MCTP1: variants seen among roughly 807,000 people sequenced by gnomAD.
The protein encoded by MCTP1 is multiple C2 and transmembrane domain-containing protein 1.
In MCTP1, 69 loss-of-function variants were observed where a neutral mutation model predicts 120.6. The observed-to-expected ratio is 0.57, with a 90% CI of 0.47 to 0.70. MCTP1 has a LOEUF of 0.70. Among genes scored for constraint, MCTP1 ranks in the 30% least tolerant of loss-of-function variants. The probability of loss-of-function intolerance (pLI) is 0.00; values close to 1 mark genes in which losing one functional copy is unlikely to be tolerated. For synonymous variants in MCTP1, 529 were observed against 493.1 expected (o/e 1.07, Z -0.96); for missense variants, 1,203 against 1,248.8 (o/e 0.96, Z 0.55).
chr5:94,909,221 A>G, intron 10 of MCTP1, 30 bp downstream of exon 10: 1 of 1,610,598 alleles, frequency 6.2e-7, no homozygotes, highest in Non-Finnish European at 8.5e-7. Flanking sequence ...ATGCTCTAGG[A>G]GTGAACCAAA....
chr5:95,165,079 C>A (rs973112696), intron 1 of MCTP1, among the ~76,000 whole-genome samples: 25 of 152,114 alleles, frequency 1.6e-4, no homozygotes, highest in Admixed American at 5.9e-4. Context: ...AGTCACATGG[C>A]CCCACCTAGA....
At chr5:94,798,100 GTA>G (rs1491544689) in intron 18 of MCTP1, among the ~76,000 whole-genome samples, 1 of 63,280 alleles carries the variant, frequency 1.6e-5, no homozygotes, top group Non-Finnish European at 4.4e-5. Flanking sequence ...ATCCTTGATG[GTA>G]AAAAAAAAAA....
At chr5:95,020,446 C>A (rs188726437) in intron 1 of MCTP1, among the ~76,000 whole-genome samples, 4 of 152,022 alleles carry the variant, frequency 2.6e-5, no homozygotes, top group East Asian at 1.9e-4. Flanking sequence ...TAATTTATAT[C>A]CTTTGTTCTC....
chr5:95,221,769 G>A (rs1238950952), intron 1 of MCTP1, among the ~76,000 whole-genome samples: 1 of 152,190 alleles, frequency 6.6e-6, no homozygotes, highest in African/African-American at 2.4e-5. Context: ...AATCCAGCAT[G>A]GGTTTTCTCT....
intron 17 of MCTP1, among the ~76,000 whole-genome samples, chr5:94,832,135 T>C (rs1353872047): frequency 6.6e-6 from 1 of 152,226 alleles, no homozygotes; most frequent in Non-Finnish European, 1.5e-5. Context: ...CTTAATTAAT[T>C]CCACTTTGAG....
At chr5:94,991,644 C>A (rs927483121) in intron 2 of MCTP1, among the ~76,000 whole-genome samples, 1 of 152,098 alleles carries the variant, frequency 6.6e-6, no homozygotes, top group Middle Eastern at 3.4e-3. Flanking sequence ...GAGGCTGAGG[C>A]GGGTGGATCA....
chr5:95,072,675 A>G (rs1379067197), intron 1 of MCTP1, among the ~76,000 whole-genome samples: 2 of 151,396 alleles, frequency 1.3e-5, no homozygotes, highest in Admixed American at 1.3e-4. Flanking sequence ...AAGTCACAAT[A>G]TATGTTTGGA....
At chr5:95,236,804 T>C (rs1373551774) in intron 1 of MCTP1, among the ~76,000 whole-genome samples, 4 of 152,090 alleles carry the variant, frequency 2.6e-5, no homozygotes, top group Admixed American at 2.0e-4. Context: ...AGTCATCCTG[T>C]GACCATAGAG....
At chr5:95,041,779 G>T (rs1195404549) in intron 1 of MCTP1, among the ~76,000 whole-genome samples, 1 of 152,144 alleles carries the variant, frequency 6.6e-6, no homozygotes, top group African/African-American at 2.4e-5. Flanking sequence ...CATCCCAGAA[G>T]TTGTAGGAAA....
chr5:95,149,787 G>A (rs999295952), intron 1 of MCTP1, among the ~76,000 whole-genome samples: 1 of 152,156 alleles, frequency 6.6e-6, no homozygotes, highest in Non-Finnish European at 1.5e-5. Flanking sequence ...ACTCCCAGAG[G>A]TTCTCTCTAT....
chr5:94,929,472 TG>T (rs1813984170), intron 6 of MCTP1, among the ~76,000 whole-genome samples: 1 of 152,192 alleles, frequency 6.6e-6, no homozygotes, highest in Admixed American at 6.5e-5. Flanking sequence ...TTAAATGTAA[TG>T]CACATAAAAT....
intron 19 of MCTP1, among the ~76,000 whole-genome samples, chr5:94,727,819 G>C (rs898078417): frequency 2.0e-5 from 3 of 152,124 alleles, no homozygotes; most frequent in Admixed American, 2.0e-4. Context: ...ACCACTTTCA[G>C]ACCTTGGCAT....
intron 1 of MCTP1, among the ~76,000 whole-genome samples, chr5:95,115,543 G>C (rs1276787892): frequency 1.3e-5 from 2 of 151,768 alleles, no homozygotes; most frequent in African/African-American, 4.8e-5. Flanking sequence ...GCAGAAGAAA[G>C]AATAAATGAG....
intron 1 of MCTP1, among the ~76,000 whole-genome samples, chr5:95,041,881 T>G (rs1398499717): frequency 2.0e-5 from 3 of 152,172 alleles, no homozygotes; most frequent in Non-Finnish European, 2.9e-5. Flanking sequence ...CAGGAGAATA[T>G]TATTCATTTC....
chr5:94,952,796 T>G (rs1820957292), intron 3 of MCTP1, among the ~76,000 whole-genome samples: 1 of 151,974 alleles, frequency 6.6e-6, no homozygotes, highest in Admixed American at 6.6e-5. Context: ...CCCATCACCT[T>G]CACCCTTCTC....
At chr5:94,917,995 G>T in intron 7 of MCTP1, 22 bp from the exon 8 acceptor site, 1 of 1,597,944 alleles carries the variant, frequency 6.3e-7, no homozygotes, top group Non-Finnish European at 8.6e-7. Flanking sequence ...TGAATGATCA[G>T]AGCTGTACGG....
chr5:94,832,528 T>C (rs1440967989), intron 17 of MCTP1, among the ~76,000 whole-genome samples: 5 of 152,126 alleles, frequency 3.3e-5, no homozygotes, highest in African/African-American at 9.7e-5. Flanking sequence ...TTGGCTTCTT[T>C]GACTCATGGT....
chr5:95,054,798 A>ATTGTTTGT (rs34597579), intron 1 of MCTP1, among the ~76,000 whole-genome samples: 1,999 of 151,294 alleles, frequency 0.013, 18 homozygotes, highest in Non-Finnish European at 0.022. Context: ...TTTTGTTGTT[A>ATTGTTTGT]TTGTTTGTTT....
chr5:94,923,830 AAAG>A, intron 7 of MCTP1, 129 bp downstream of exon 7: 1 of 556,594 alleles, frequency 1.8e-6, no homozygotes, highest in Non-Finnish European at 3.2e-6. Context: ...AGAAGATAAT[AAAG>A]AAGGCAAATG....
Sources: gnomAD v4.1 joint callset for allele counts (sites outside exome capture counted in the v4.1 genomes callset) on GRCh38, gnomAD v4.1.1 for gene constraint, MANE v1.5 for transcripts, NCBI Gene and HGNC (gene_info 2026-07-23, HGNC 2026-07-21) for gene names.